The following PPM1B variants were observed in gnomAD, a reference collection of about 807,000 sequenced individuals.
The protein encoded by PPM1B is protein phosphatase, Mg2+/Mn2+ dependent 1B.
In PPM1B, 22 loss-of-function variants were observed where a neutral mutation model predicts 43.0. The ratio of observed to expected loss-of-function variants is 0.51; its 90% CI spans 0.37 to 0.73. The LOEUF is 0.73. Among genes scored for constraint, PPM1B ranks in the 30% least tolerant of loss-of-function variants. The pLI is 0.00. For missense variants in PPM1B, 632 were observed against 584.2 expected (o/e 1.08, Z -0.84); for synonymous variants, 217 against 197.9 (o/e 1.10, Z -0.81).
chr2:44,230,316 T>C (rs1488837262), intron 5 of PPM1B, 97 bp from the exon 6 acceptor site: 1 of 1,528,274 alleles, frequency 6.5e-7, no homozygotes, highest in African/African-American at 1.4e-5. Context: ...ATATTACTTT[T>C]CGGTAGAGAA....
At chr2:44,214,347 G>C (rs975959239) in intron 3 of PPM1B, among the ~76,000 whole-genome samples, 18 of 151,778 alleles carry the variant, frequency 1.2e-4, no homozygotes, top group African/African-American at 4.1e-4. Context: ...GGGATTACAG[G>C]CGTGAGCCAC....
chr2:44,233,761 T>C, downstream of PPM1B: 1 of 985,848 alleles, frequency 1.0e-6, no homozygotes, highest in Non-Finnish European at 1.2e-6. Flanking sequence ...TGATTTATTG[T>C]GCACCTGATT....
Position 44,230,428 on chromosome 2 carries a change from G to A in PPM1B, c.1150G>A (p.Glu384Lys). Residue 384 changes from glutamate (E) to lysine (K), a missense_variant, in exon 6 of 6, where the codon GAG becomes AAG. This residue lies in a region of PPM1B where 392 missense variants were observed against 302.7 expected (regional missense o/e 1.29). Transcript: ENST00000282412. ...RESDGASDEA[E>K]ESGSQGKLVE... ...TTAAAAAAAGGCCTCCGATGAAGCA[G>A]AGGAAAGTGGATCACAGGGAAAATT... The A allele has an allele frequency of 6.2e-7, 1 of 1,614,084 alleles. No homozygotes were observed. Among genetic ancestry groups the A allele is most frequent in the Non-Finnish European group, 8.5e-7 (1 of 1,179,942 alleles).
intron 1 of PPM1B, among the ~76,000 whole-genome samples, chr2:44,188,226 A>G (rs966497792): frequency 3.8e-4 from 58 of 152,080 alleles, no homozygotes; most frequent in African/African-American, 1.2e-3. Flanking sequence ...ACTATGTTCC[A>G]TTTGTTAACA....
intron 2 of PPM1B, 22 bp from the exon 3 acceptor site, chr2:44,209,179 ATTTTTTTTC>A (rs1669333144): frequency 1.1e-5 from 16 of 1,508,190 alleles, no homozygotes; most frequent in South Asian, 6.3e-5. Context: ...TAGAAATACA[ATTTTTTTTC>A]TTTTTTTTCT....
At chr2:44,220,426 G>A (rs1669925091) in intron 5 of PPM1B, among the ~76,000 whole-genome samples, 2 of 151,922 alleles carry the variant, frequency 1.3e-5, no homozygotes, top group South Asian at 4.2e-4. Context: ...GAATAAATAG[G>A]CAACGGAACT....
chr2:44,182,182 T>C (rs868340037), intron 1 of PPM1B, among the ~76,000 whole-genome samples: 3 of 152,226 alleles, frequency 2.0e-5, no homozygotes, highest in African/African-American at 2.4e-5. Context: ...CTGTATGTTA[T>C]ATCGTGAGAA....
intron 3 of PPM1B, among the ~76,000 whole-genome samples, chr2:44,212,781 C>T (rs184242064): frequency 1.3e-3 from 191 of 152,042 alleles, no homozygotes; most frequent in African/African-American, 4.3e-3. Context: ...GAGACCGAGG[C>T]GGGCAGATCA....
chr2:44,200,885 A>T (rs377633940), intron 1 of PPM1B, among the ~76,000 whole-genome samples: 34 of 152,344 alleles, frequency 2.2e-4, no homozygotes, highest in African/African-American at 7.5e-4. Flanking sequence ...CTCCTAGAAC[A>T]GTGGTCTCAA....
intron 1 of PPM1B, among the ~76,000 whole-genome samples, chr2:44,188,041 C>CA (rs1319780411): frequency 2.0e-4 from 31 of 152,148 alleles, no homozygotes; most frequent in African/African-American, 7.5e-4. Context: ...TGAGACACCG[C>CA]ACCCAGCCTT....
intron 5 of PPM1B, chr2:44,230,048 C>G: frequency 6.4e-7 from 1 of 1,571,362 alleles, no homozygotes; most frequent in Non-Finnish European, 8.6e-7. Flanking sequence ...TTTCCTACTG[C>G]TTTAAACATT....
chr2:44,170,131 T>A (rs535359019), intron 1 of PPM1B, among the ~76,000 whole-genome samples: 9 of 152,346 alleles, frequency 5.9e-5, no homozygotes, highest in Admixed American at 1.3e-4. Context: ...TGACCTCTCA[T>A]ATCAGATTTA....
chr2:44,200,783 T>A (rs1195126593), intron 1 of PPM1B, among the ~76,000 whole-genome samples: 1 of 152,228 alleles, frequency 6.6e-6, no homozygotes, highest in East Asian at 1.9e-4. Flanking sequence ...TGTCCAGTCT[T>A]CTGTAAACTT....
At chr2:44,226,735 CTTTTT>C (rs60750702) in intron 5 of PPM1B, among the ~76,000 whole-genome samples, 2 of 66,690 alleles carry the variant, frequency 3.0e-5, no homozygotes. Flanking sequence ...AGGTTTTTAT[CTTTTT>C]TTTTTTTTTT....
chr2:44,242,466 A>T (rs866550997), intron 5 of PPM1B, among the ~76,000 whole-genome samples: 8 of 152,124 alleles, frequency 5.3e-5, no homozygotes, highest in African/African-American at 1.9e-4. Flanking sequence ...TTTTTCTCTA[A>T]TTTTCCATAT....
At chr2:44,225,009 T>A (rs544686776) in intron 5 of PPM1B, among the ~76,000 whole-genome samples, 2 of 152,298 alleles carry the variant, frequency 1.3e-5, no homozygotes, top group East Asian at 3.9e-4. Flanking sequence ...ACATTGATGT[T>A]AATTATACCT....
intron 3 of PPM1B, among the ~76,000 whole-genome samples, chr2:44,216,287 G>T (rs111361187): frequency 6.6e-6 from 1 of 152,112 alleles, no homozygotes; most frequent in Admixed American, 6.5e-5. Context: ...AGCTGAGGGG[G>T]TGCCACTGGC....
downstream of PPM1B, among the ~76,000 whole-genome samples, chr2:44,246,412 T>C (rs1670854331): frequency 6.6e-6 from 1 of 152,200 alleles, no homozygotes; most frequent in Non-Finnish European, 1.5e-5. Context: ...TTATCTAAGA[T>C]ATGTTAGCTA....
At chr2:44,172,407 G>T (rs1667390076) in intron 1 of PPM1B, among the ~76,000 whole-genome samples, 1 of 152,168 alleles carries the variant, frequency 6.6e-6, no homozygotes, top group South Asian at 2.1e-4. Context: ...TTTGTAGTTT[G>T]TAGTTGGCTG....
Sources: gnomAD v4.1 joint callset for allele counts (sites outside exome capture counted in the v4.1 genomes callset) on GRCh38, gnomAD v4.1.1 for gene constraint, gnomAD v4.1.1 regional missense constraint, MANE v1.5 for transcripts, NCBI Gene and HGNC (gene_info 2026-07-23, HGNC 2026-07-21) for gene names.